Variants in LASP1 observed in about 807,000 individuals in gnomAD.
The protein encoded by LASP1 is LIM and SH3 domain protein 1.
Under a neutral mutation model 38.6 loss-of-function variants are expected in LASP1, and 10 were observed. That is an observed-to-expected ratio of 0.26 (90% CI 0.16 to 0.44). The LOEUF (loss-of-function observed/expected upper bound fraction) is 0.44, where lower values mean the gene tolerates loss of function less well. Among genes scored for constraint, LASP1 ranks in the 20% least tolerant of loss-of-function variants. The pLI is 1.00. For synonymous variants in LASP1, 132 were observed against 140.8 expected (o/e 0.94, Z 0.44); for missense variants, 243 against 375.7 (o/e 0.65, Z 2.92).
intron 1 of LASP1, among the ~76,000 whole-genome samples, chr17:38,875,992 T>G (rs1598103214): frequency 6.6e-6 from 1 of 152,044 alleles, no homozygotes; most frequent in South Asian, 2.1e-4. Flanking sequence ...GTCACTCAGG[T>G]GGCCTGGATT....
At chr17:38,908,728 T>C (rs1914841699) in intron 4 of LASP1, among the ~76,000 whole-genome samples, 1 of 152,220 alleles carries the variant, frequency 6.6e-6, no homozygotes, top group African/African-American at 2.4e-5. Flanking sequence ...GCCCTCCCTG[T>C]GCCCCCAGCC....
intron 3 of LASP1, among the ~76,000 whole-genome samples, chr17:38,892,417 T>G (rs1451028356): frequency 2.6e-5 from 4 of 152,132 alleles, no homozygotes; most frequent in African/African-American, 9.7e-5. Context: ...CTGGCCATAT[T>G]TTACAGATTC....
At chr17:38,877,348 T>G (rs2143732441) in intron 1 of LASP1, among the ~76,000 whole-genome samples, 1 of 152,300 alleles carries the variant, frequency 6.6e-6, no homozygotes, top group Middle Eastern at 3.4e-3. Flanking sequence ...GGTGTCCACC[T>G]TCAAGGCTTT....
Position 38,886,081 on chromosome 17 carries a change from CCT to C in LASP1, c.165-4325_165-4324del, listed in dbSNP as rs148120574. 2.9e-4 allele frequency among the ~76,000 whole-genome samples: 44 copies of C among 150,504 alleles called. 1 individual carries two copies. The highest frequency in any genetic ancestry group is 7.1e-4 in the African/African-American group (29 of 40,998). On this transcript the variant is annotated intron_variant, in intron 2 of 6. Transcript: ENST00000318008. Reference sequence around the variant, plus strand: ...GTGCCTCTTCCTCAACCCCCGTAGACCTCTCTCTCTCTCTCACTCATTCTCTC... The same window carrying C: ...GTGCCTCTTCCTCAACCCCCGTAGACCTCTCTCTCTCTCACTCATTCTCTC...
chr17:38,885,389 G>C (rs975658579), intron 2 of LASP1, among the ~76,000 whole-genome samples: 1 of 152,314 alleles, frequency 6.6e-6, no homozygotes, highest in South Asian at 2.1e-4. Context: ...CCTGAAGCCC[G>C]AGGCTGCTGC....
At chr17:38,905,993 GA>G (rs1914768610) in intron 4 of LASP1, among the ~76,000 whole-genome samples, 1 of 152,190 alleles carries the variant, frequency 6.6e-6, no homozygotes, top group Non-Finnish European at 1.5e-5. Context: ...CCAGGAGTTT[GA>G]GGCTGCAGTG....
chr17:38,897,303 C>T (rs569285447), intron 3 of LASP1, among the ~76,000 whole-genome samples: 12 of 152,360 alleles, frequency 7.9e-5, no homozygotes, highest in African/African-American at 1.9e-4. Flanking sequence ...CATGCGCAGT[C>T]GCTCCAGTCC....
Position 38,896,892 on chromosome 17 carries a change from T to A in LASP1, c.250-1520T>A. On this transcript the variant is annotated intron_variant, in intron 3 of 6. Transcript: ENST00000318008. ...TATTATACCTGATTTCTGTCACAAC[T>A]CTTTTACAGATGAAGAAACCGAGGC... is the stretch of plus-strand genomic sequence containing the variant. The A allele has an allele frequency of 1.2e-5, 12 of 984,766 alleles. 1 individual carries two copies. The South Asian group carries it at 5.6e-4, about 46-fold the overall frequency. The allele number at this position is 984,766 out of a possible 1,614,324, so 61.0% of individuals were successfully genotyped here. A position where few individuals can be genotyped will look rare whatever the true frequency, so the allele number is the denominator to read the frequency against.
chr17:38,875,734 A>G (rs917812907), intron 1 of LASP1, among the ~76,000 whole-genome samples: 3 of 152,148 alleles, frequency 2.0e-5, no homozygotes, highest in African/African-American at 7.2e-5. Context: ...GTTGAATCCC[A>G]GATTCTCAGC....
chr17:38,914,483 C>A lies in LASP1; in HGVS notation c.508+8C>A. On this transcript the variant is annotated splice_region_variant and intron_variant, in intron 5 of 6. Transcript: ENST00000318008. Reference sequence around the variant, plus strand: ...TCCCGACCAGTGCCCCGGGTGAGTGCAGGTCCTGTTGGTGCAGATGACCTG... The same window carrying A: ...TCCCGACCAGTGCCCCGGGTGAGTGAAGGTCCTGTTGGTGCAGATGACCTG... 1.3e-6 allele frequency: 2 copies of A among 1,593,206 alleles called. No individual in the cohort carries two copies. Among genetic ancestry groups the A allele is most frequent in the Non-Finnish European group, 1.7e-6 (2 of 1,170,010 alleles).
At position 38,921,136 on chromosome 17, in the gene LASP1, C is replaced by A. The variant is rs1915288102; in HGVS notation, c.*2358C>A. 4.4e-6 allele frequency: 1 copy of A among 229,606 alleles called. No individual in the cohort carries two copies. Among genetic ancestry groups the A allele is most frequent in the Non-Finnish European group, 8.6e-6 (1 of 115,860 alleles). 14.2% of individuals were successfully genotyped at this position (229,606 alleles called of 1,614,324 possible). ...TGAGTGACCGGGGGCTGCTGGGCGT[C>A]TGTTCTTTACCAAAACCATCCATCC... On this transcript the variant is annotated 3_prime_UTR_variant, in exon 7 of 7. Coordinates refer to ENST00000318008, the MANE Select transcript of LASP1 (RefSeq NM_006148.4).
At chr17:38,892,980 C>T (rs1179491623) in intron 3 of LASP1, among the ~76,000 whole-genome samples, 1 of 146,300 alleles carries the variant, frequency 6.8e-6, no homozygotes, top group Non-Finnish European at 1.6e-5. Context: ...TGTGCGTGTG[C>T]ACGCATGCAC....
intron 4 of LASP1, chr17:38,903,849 A>G (rs1449806768): frequency 6.6e-6 from 1 of 152,222 alleles, no homozygotes; most frequent in Non-Finnish European, 1.5e-5. Flanking sequence ...TTACACATCT[A>G]TGGTGAGTAG....
chr17:38,871,118 T>G (rs1174820032), intron 1 of LASP1, among the ~76,000 whole-genome samples: 1 of 39,528 alleles, frequency 2.5e-5, no homozygotes, highest in East Asian at 3.7e-4. Context: ...GGCTGAGTTC[T>G]GGGGAAGCCG....
chr17:38,876,260 C>G (rs1253535656), intron 1 of LASP1, among the ~76,000 whole-genome samples: 1 of 149,262 alleles, frequency 6.7e-6, no homozygotes, highest in Admixed American at 6.8e-5. Flanking sequence ...CTCACTGCAA[C>G]CTCCACCTCC....
At chr17:38,873,674 C>G (rs941538247) in intron 1 of LASP1, among the ~76,000 whole-genome samples, 1 of 152,206 alleles carries the variant, frequency 6.6e-6, no homozygotes, top group African/African-American at 2.4e-5. Flanking sequence ...ATCCTGTCCT[C>G]CTCGGAATTT....
intron 3 of LASP1, chr17:38,896,803 C>T: frequency 4.0e-6 from 2 of 505,616 alleles, no homozygotes; most frequent in Non-Finnish European, 5.1e-6. Flanking sequence ...GAGACTGAGC[C>T]TGCGTTAGTG....
intron 1 of LASP1, among the ~76,000 whole-genome samples, chr17:38,871,036 G>C (rs1482847499): frequency 6.6e-6 from 1 of 152,024 alleles, no homozygotes; most frequent in African/African-American, 2.4e-5. Context: ...ATTGTGCTCA[G>C]AGCCAGGAGA....
At position 38,920,434 on chromosome 17, in the gene LASP1, G is replaced by T. The variant is rs759390390; in HGVS notation, c.*1656G>T. 5.8e-5 allele frequency: 16 copies of T among 275,524 alleles called. No homozygotes were observed. The highest frequency in any genetic ancestry group is 2.2e-3 in the Middle Eastern group (2 of 930). The allele number at this position is 275,524 out of a possible 1,614,324, so 17.1% of individuals were successfully genotyped here. On this transcript the variant is annotated 3_prime_UTR_variant, in exon 7 of 7. Coordinates refer to ENST00000318008, the MANE Select transcript of LASP1 (RefSeq NM_006148.4). ...AGTTCCTGCTCTCTGCTCATGGGTG[G>T]CTGTGACAACCCTGGCCTCACTTGA... is the stretch of plus-strand genomic sequence containing the variant.
Sources: gnomAD v4.1 joint callset for allele counts (sites outside exome capture counted in the v4.1 genomes callset) on GRCh38, gnomAD v4.1.1 for gene constraint, MANE v1.5 for transcripts, NCBI Gene and HGNC (gene_info 2026-07-23, HGNC 2026-07-21) for gene names.